IGSF21: variants seen among roughly 807,000 people sequenced by gnomAD.
IGSF21 encodes immunoglobulin superfamily member 21.
In IGSF21, 28 loss-of-function variants were observed where a neutral mutation model predicts 46.8. The ratio of observed to expected loss-of-function variants is 0.60; its 90% CI spans 0.44 to 0.82. The LOEUF (loss-of-function observed/expected upper bound fraction) is 0.82. IGSF21 is among the 40% of genes least tolerant of loss of function. The pLI is 0.00. For missense variants in IGSF21, 624 were observed against 665.5 expected (o/e 0.94, Z 0.69); for synonymous variants, 284 against 273.6 (o/e 1.04, Z -0.38).
intron 4 of IGSF21, among the ~76,000 whole-genome samples, chr1:18,354,887 T>A (rs1268278997): frequency 1.2e-5 from 1 of 80,998 alleles, no homozygotes; most frequent in Non-Finnish European, 2.7e-5. Context: ...AGAAGGTTTA[T>A]GTTTGCTTTC....
intron 4 of IGSF21, among the ~76,000 whole-genome samples, chr1:18,359,391 G>GAA (rs1557659675): frequency 1.9e-5 from 1 of 51,316 alleles, no homozygotes; most frequent in Non-Finnish European, 3.9e-5. Context: ...AGAAAGGAAG[G>GAA]AAGGAAGGAA....
intron 1 of IGSF21, among the ~76,000 whole-genome samples, chr1:18,180,366 G>C (rs1257394850): frequency 1.3e-5 from 2 of 152,156 alleles, no homozygotes; most frequent in African/African-American, 2.4e-5. Flanking sequence ...AACCATCTTT[G>C]TGCCTAGCGC....
At chr1:18,287,232 T>TA (rs1235461759) in intron 2 of IGSF21, among the ~76,000 whole-genome samples, 1 of 148,480 alleles carries the variant, frequency 6.7e-6, no homozygotes, top group Non-Finnish European at 1.5e-5. Flanking sequence ...AAAATAAAAA[T>TA]AAAAATACAA....
At chr1:18,359,379 AAAGAAAGGAAGGAAGGAAGG>A (rs1407900884) in intron 4 of IGSF21, among the ~76,000 whole-genome samples, 11 of 82,362 alleles carry the variant, frequency 1.3e-4, no homozygotes, top group African/African-American at 3.1e-4. Context: ...AGAAAGAAAG[AAAGAAAGGAAGGAAGGAAGG>A]AAGGAAGGAA....
intron 3 of IGSF21, among the ~76,000 whole-genome samples, chr1:18,301,345 TTTG>T: frequency 6.6e-6 from 1 of 152,142 alleles, no homozygotes; most frequent in Non-Finnish European, 1.5e-5. Context: ...TGTTTGTTTG[TTTG>T]TTTGTTTTTG....
chr1:18,265,269 T>A (rs2084979916), intron 2 of IGSF21, among the ~76,000 whole-genome samples: 1 of 152,168 alleles, frequency 6.6e-6, no homozygotes, highest in South Asian at 2.1e-4. Flanking sequence ...AGTGATTCTT[T>A]GGACCCCAGT....
intron 3 of IGSF21, among the ~76,000 whole-genome samples, chr1:18,315,547 TGATGGATGGATG>T (rs34398523): frequency 5.4e-5 from 8 of 149,376 alleles, no homozygotes; most frequent in African/African-American, 2.0e-4. Flanking sequence ...AGTGGATGGA[TGATGGATGGATG>T]GATGGATGGA....
At chr1:18,287,572 C>A (rs1227484717) in intron 2 of IGSF21, among the ~76,000 whole-genome samples, 1 of 152,164 alleles carries the variant, frequency 6.6e-6, no homozygotes, top group Non-Finnish European at 1.5e-5. Flanking sequence ...CCAGGCAAAC[C>A]CACACATCCA....
chr1:18,121,961 G>A (rs185496495), intron 1 of IGSF21, among the ~76,000 whole-genome samples: 38 of 152,286 alleles, frequency 2.5e-4, no homozygotes, highest in Non-Finnish European at 5.4e-4. Context: ...CACCACTTCT[G>A]TCTCCTTGAG....
intron 1 of IGSF21, among the ~76,000 whole-genome samples, chr1:18,158,909 G>A (rs753092513): frequency 4.4e-4 from 67 of 152,236 alleles, no homozygotes; most frequent in Middle Eastern, 3.2e-3. Context: ...TAGGGTGTGT[G>A]GGAGAGTCTG....
rs1286967552 is a variant in IGSF21, at chr1:18,365,711, G to A, written c.1015+14G>A. 1.9e-6 allele frequency: 3 copies of A among 1,598,786 alleles called. No homozygotes were observed. The highest frequency in any genetic ancestry group is 1.3e-5 in the African/African-American group (1 of 74,654). ...AGGTCACGCTGGGTAAGACTTGGTGGGGGCCCTTCTGTAGAGCCCTTGCAG... is the reference window on the plus strand; with the variant it reads ...AGGTCACGCTGGGTAAGACTTGGTGAGGGCCCTTCTGTAGAGCCCTTGCAG... On this transcript the variant is annotated intron_variant, in intron 6 of 9. Transcript: ENST00000251296. The surrounding 1 kb of genome is among the most constrained non-coding windows in gnomAD (Gnocchi z 4.8).
chr1:18,359,378 GAAAGA>G lies in IGSF21; in HGVS notation c.425-2734_425-2730del, dbSNP rs1557659596. 1.4e-3 allele frequency among the ~76,000 whole-genome samples: 144 copies of G among 100,564 alleles called. 1 individual carries two copies. The highest frequency in any genetic ancestry group is 4.5e-3 in the African/African-American group (107 of 23,746). 66.0% of individuals were successfully genotyped at this position (100,564 alleles called of 152,430 possible). ...AGAAAGAAAGAAAGAAAGAAAGAAAGAAAGAAAGGAAGGAAGGAAGGAAGGAAGGA... is the reference window on the plus strand; with the variant it reads ...AGAAAGAAAGAAAGAAAGAAAGAAAGAAGGAAGGAAGGAAGGAAGGAAGGA... On this transcript the variant is annotated intron_variant, in intron 4 of 9. Transcript: ENST00000251296.
At chr1:18,141,298 C>T (rs916088057) in intron 1 of IGSF21, among the ~76,000 whole-genome samples, 6 of 152,272 alleles carry the variant, frequency 3.9e-5, no homozygotes, top group African/African-American at 1.4e-4. Context: ...TGACTACTGT[C>T]ATTATTATGT....
chr1:18,150,894 G>A (rs1014686970), intron 1 of IGSF21, among the ~76,000 whole-genome samples: 7 of 152,156 alleles, frequency 4.6e-5, no homozygotes, highest in African/African-American at 7.2e-5. Flanking sequence ...CTGATGGGGC[G>A]GCCCTAGCCC....
intron 1 of IGSF21, among the ~76,000 whole-genome samples, chr1:18,130,200 C>T (rs1296169175): frequency 6.6e-6 from 1 of 152,166 alleles, no homozygotes; most frequent in Non-Finnish European, 1.5e-5. Context: ...CGTGGGAAAC[C>T]CTGTGACCCT....
At chr1:18,153,418 T>A (rs1013325559) in intron 1 of IGSF21, among the ~76,000 whole-genome samples, 2 of 152,122 alleles carry the variant, frequency 1.3e-5, no homozygotes, top group African/African-American at 4.8e-5. Flanking sequence ...TGCTCAGACA[T>A]CTGCAATGTA....
intron 4 of IGSF21, among the ~76,000 whole-genome samples, chr1:18,338,149 C>T (rs979051158): frequency 2.6e-5 from 4 of 152,162 alleles, no homozygotes; most frequent in Non-Finnish European, 5.9e-5. Context: ...ATCTATAGAA[C>T]AGAATGTTCT....
chr1:18,195,972 G>C (rs148928080), intron 1 of IGSF21, among the ~76,000 whole-genome samples: 13 of 152,324 alleles, frequency 8.5e-5, no homozygotes, highest in African/African-American at 3.1e-4. Context: ...CAGAGCCCTT[G>C]GGCAAAAGCG....
intron 1 of IGSF21, among the ~76,000 whole-genome samples, chr1:18,199,632 G>T (rs1453178632): frequency 6.6e-6 from 1 of 152,124 alleles, no homozygotes; most frequent in Non-Finnish European, 1.5e-5. Context: ...CTCCTCGGTG[G>T]CTGCGGTAAT....
Sources: allele counts gnomAD v4.1 joint callset (sites outside exome capture counted in the v4.1 genomes callset), GRCh38; gene constraint gnomAD v4.1.1; non-coding constraint Gnocchi (gnomAD v3.1); transcripts MANE v1.5; gene names NCBI Gene and HGNC (gene_info 2026-07-23, HGNC 2026-07-21).